Variants in ANXA2 observed in about 807,000 individuals in gnomAD.
ANXA2 encodes the protein annexin A2.
In ANXA2, 28 loss-of-function variants were observed where a neutral mutation model predicts 47.3. That is an observed-to-expected ratio of 0.59 (90% CI 0.44 to 0.81). The LOEUF (loss-of-function observed/expected upper bound fraction) is 0.81. ANXA2 is among the 40% of genes least tolerant of loss of function. The pLI is 0.00. For synonymous variants in ANXA2, 172 were observed against 155.5 expected (o/e 1.11, Z -0.79); for missense variants, 384 against 414.3 (o/e 0.93, Z 0.64).
intron 3 of ANXA2, among the ~76,000 whole-genome samples, chr15:60,373,878 G>A (rs559425551): frequency 6.6e-6 from 1 of 152,304 alleles, no homozygotes; most frequent in East Asian, 1.9e-4. Flanking sequence ...GAAATATGGG[G>A]CAAAGAAAGA....
In ANXA2 at chr15:60,354,637, AG is replaced by A. The variant is rs2062399058; in HGVS notation, c.529-425del. 5.5e-5 allele frequency among the ~76,000 whole-genome samples: 8 copies of A among 145,392 alleles called. No individual in the cohort carries two copies. In the South Asian group the frequency reaches 1.1e-3, roughly 20 times the overall value. On this transcript the variant is annotated intron_variant, in intron 7 of 12. Transcript: ENST00000451270. ...TCTGTCTCAAAAAAAAAAAAAAAAA[AG>A]AAAGAAAGAAAAGAAAAAGAAAAAG...
chr15:60,366,666 G>C, intron 3 of ANXA2, among the ~76,000 whole-genome samples: 1 of 145,454 alleles, frequency 6.9e-6, no homozygotes, highest in Non-Finnish European at 1.5e-5. Flanking sequence ...CCCCGTCCGG[G>C]AGGGAGGTGG....
intron 3 of ANXA2, among the ~76,000 whole-genome samples, chr15:60,369,950 A>G (rs1023906335): frequency 6.6e-6 from 1 of 152,122 alleles, no homozygotes; most frequent in Non-Finnish European, 1.5e-5. Flanking sequence ...GCAGTCCCAC[A>G]CTCTTAGCCA....
chr15:60,378,291 C>T (rs1049159607), intron 3 of ANXA2, among the ~76,000 whole-genome samples: 9 of 152,106 alleles, frequency 5.9e-5, no homozygotes, highest in African/African-American at 1.9e-4. Flanking sequence ...TTTATATAGG[C>T]AAATCGTATG....
At position 60,354,815 on chromosome 15, in the gene ANXA2, T is replaced by C. The variant is rs199887142; in HGVS notation, c.529-602A>G. On this transcript the variant is annotated intron_variant, in intron 7 of 12. Coordinates refer to ENST00000451270, the MANE Select transcript of ANXA2 (RefSeq NM_004039.3). ...TCCCCCACAAAAAGCTGATGAGATT[T>C]AGCTCTTTCTCACAGAGAGCTTGCA... 7.2e-5 allele frequency among the ~76,000 whole-genome samples: 11 copies of C among 152,220 alleles called. No homozygotes were observed. The East Asian group carries it at 2.1e-3, about 29-fold the overall frequency.
chr15:60,379,728 C>G lies in ANXA2; in HGVS notation c.148+2614G>C, dbSNP rs150664380. ...TGCCTGGTGCAGTATCTGCCCACAA[C>G]GAGCATTTTATAAATAGTTGCAATG... On this transcript the variant is annotated intron_variant, in intron 3 of 12. Coordinates refer to ENST00000451270, the MANE Select transcript of ANXA2 (RefSeq NM_004039.3). Among the ~76,000 whole-genome samples, 473 of 152,278 alleles carry G rather than the reference C, an allele frequency of 3.1e-3. 5 individuals are homozygous for G. Among genetic ancestry groups the G allele is most frequent in the Admixed American group, 3.4e-3 (52 of 15,304 alleles).
intron 4 of ANXA2, among the ~76,000 whole-genome samples, chr15:60,361,958 C>T (rs543911422): frequency 2.0e-5 from 3 of 151,930 alleles, no homozygotes; most frequent in Non-Finnish European, 4.4e-5. Flanking sequence ...CTAAGAGCAC[C>T]TGTGGCATCT....
chr15:60,374,664 C>T (rs560860266), intron 3 of ANXA2: 13 of 456,096 alleles, frequency 2.9e-5, no homozygotes, highest in South Asian at 1.5e-4. Context: ...TTGATAGCTA[C>T]GTGGCTCAGG....
At chr15:60,371,156 C>T (rs868572341) in intron 3 of ANXA2, among the ~76,000 whole-genome samples, 4 of 152,134 alleles carry the variant, frequency 2.6e-5, no homozygotes, top group Admixed American at 6.5e-5. Flanking sequence ...ACTCGTTGAA[C>T]GAAAATAGCC....
intron 2 of ANXA2, 28 bp downstream of exon 2, chr15:60,386,000 T>C (rs1416216498): frequency 6.4e-7 from 1 of 1,573,902 alleles, no homozygotes; most frequent in Non-Finnish European, 8.7e-7. Flanking sequence ...CTTGCAAAAA[T>C]TATATAAAGT....
At chr15:60,387,668 A>G (rs1165649129) in intron 1 of ANXA2, among the ~76,000 whole-genome samples, 1 of 152,196 alleles carries the variant, frequency 6.6e-6, no homozygotes, top group East Asian at 1.9e-4. Flanking sequence ...TCTATCTGAT[A>G]TTGTAATGGT....
At chr15:60,362,950 G>A (rs1008244124) in intron 4 of ANXA2, 1 of 138,232 alleles carries the variant, frequency 7.2e-6, no homozygotes, top group Non-Finnish European at 1.5e-5. Context: ...TGAATCATTT[G>A]AGTCCACATG....
intron 5 of ANXA2, among the ~76,000 whole-genome samples, chr15:60,358,981 C>G (rs969039079): frequency 2.6e-5 from 4 of 152,176 alleles, no homozygotes; most frequent in Non-Finnish European, 5.9e-5. Context: ...AAGCCCGGCC[C>G]AAACTCTCCA....
At chr15:60,370,000 T>C (rs1208227842) in intron 3 of ANXA2, among the ~76,000 whole-genome samples, 1 of 152,196 alleles carries the variant, frequency 6.6e-6, no homozygotes, top group Non-Finnish European at 1.5e-5. Context: ...AGCAGCTAAG[T>C]GTCCAGCCAG....
In ANXA2 at chr15:60,351,768, C is replaced by T. The variant is rs758443986; in HGVS notation, c.734G>A (p.Arg245Lys). 10 of 1,613,830 alleles carry T rather than the reference C, an allele frequency of 6.2e-6. No homozygotes were observed. Among genetic ancestry groups the T allele is most frequent in the African/African-American group, 1.3e-5 (1 of 74,910 alleles). Residue 245 changes from arginine to lysine, a missense_variant, in exon 10 of 13, where the codon AGG becomes AAG. By Grantham distance (26) the Arg-to-Lys change is conservative. Coordinates refer to ENST00000451270, the MANE Select transcript of ANXA2 (RefSeq NM_004039.3). ...TTCCAGGTCTCCTTTAACCTCTTTC[C>T]TGATGCTTTCCAACATGTCATAAGG... ...YSPYDMLESI[R>K]KEVKGDLENA...
chr15:60,380,270 C>T (rs2062837817), intron 3 of ANXA2, among the ~76,000 whole-genome samples: 1 of 151,934 alleles, frequency 6.6e-6, no homozygotes, highest in Non-Finnish European at 1.5e-5. Context: ...TGATTAGCAC[C>T]CCTTTATAGG....
At chr15:60,386,548 A>G (rs2062936039) in intron 1 of ANXA2, 1 of 153,650 alleles carries the variant, frequency 6.5e-6, no homozygotes, top group African/African-American at 2.4e-5. Context: ...ATGTTGCCCT[A>G]ATTCTTAATT....
chr15:60,376,978 ACCC>A (rs1035992295), intron 3 of ANXA2, among the ~76,000 whole-genome samples: 1 of 152,156 alleles, frequency 6.6e-6, no homozygotes, highest in Non-Finnish European at 1.5e-5. Context: ...ACACACGGCT[ACCC>A]CCGTCTAGGA....
chr15:60,379,886 G>C (rs577173330), intron 3 of ANXA2, among the ~76,000 whole-genome samples: 1 of 152,318 alleles, frequency 6.6e-6, no homozygotes, highest in South Asian at 2.1e-4. Context: ...TTATTACCAT[G>C]AGAGTTTCAG....
Sources: gnomAD v4.1 joint callset for allele counts (sites outside exome capture counted in the v4.1 genomes callset) on GRCh38, gnomAD v4.1.1 for gene constraint, MANE v1.5 for transcripts, NCBI Gene and HGNC (gene_info 2026-07-23, HGNC 2026-07-21) for gene names.